Variants in TSPOAP1 observed in about 807,000 individuals in gnomAD.
The protein encoded by TSPOAP1 is TSPO associated protein 1.
In TSPOAP1, 87 loss-of-function variants were observed where a neutral mutation model predicts 197.0. The observed-to-expected ratio is 0.44, with a 90% CI of 0.37 to 0.53. The LOEUF is 0.53. Among genes scored for constraint, TSPOAP1 ranks in the 20% least tolerant of loss-of-function variants. The pLI, the probability that TSPOAP1 is intolerant of heterozygous loss-of-function variation, is 0.00. For missense variants in TSPOAP1, 2,174 were observed against 2,411.3 expected, an observed-to-expected ratio of 0.90 and a Z score of 2.06; for synonymous variants, 913 against 998.9, an observed-to-expected ratio of 0.91 and a Z score of 1.62.
At chr17:58,323,083 AT>A (rs1308351145) in intron 7 of TSPOAP1, 44 bp from the exon 8 acceptor site, 2 of 1,573,190 alleles carry the variant, frequency 1.3e-6, no homozygotes, top group Non-Finnish European at 8.7e-7. Flanking sequence ...CAGCACCCAC[AT>A]TCCCCCTCTC....
rs146001914 is a variant in TSPOAP1, at chr17:58,308,543, G to A, written c.4729C>T (p.Arg1577Trp). 496 of 1,524,824 alleles carry A rather than the reference G, an allele frequency of 3.3e-4. No individual in the cohort carries two copies. Among genetic ancestry groups the A allele is most frequent in the Non-Finnish European group, 4.0e-4 (452 of 1,135,410 alleles). The allele number at this position is 1,524,824 out of a possible 1,614,324, so 94.5% of individuals were successfully genotyped here. ...ATGRAKEPLS[R>W]ATETGEARGQ... is the part of the protein sequence containing the mutation. ...CAGGGCGGGGAGTGAGCACGGACCC[G>A]GGAGAGTGGCTCCTTGGCTCTGCCC... The change falls in exon 22 of 32, where the codon CGG (arginine) becomes TGG (tryptophan). Residue 1577 changes from arginine to tryptophan, a missense_variant and splice_region_variant. Arg to Trp is a moderately radical substitution (Grantham distance 101, BLOSUM62 -3). This residue lies in a region of TSPOAP1 where 1,933 missense variants were observed against 2,139.0 expected (regional missense o/e 0.90). Coordinates refer to ENST00000343736, the MANE Select transcript of TSPOAP1 (RefSeq NM_004758.4).
Position 58,316,425 on chromosome 17 carries a change from CTAT to C in TSPOAP1, c.1985_1987del (p.Tyr662_Ser663delinsCys). ...GGGGCAGTGAGGGTGAGGGACCCAC[CTAT>C]AACGTGCTAGGAAGACCTGGATCCT... On this transcript the variant is annotated inframe_deletion and splice_region_variant, in exon 15 of 32. Transcript: ENST00000343736. The C allele has an allele frequency of 6.2e-7, 1 of 1,611,510 alleles. No individual in the cohort carries two copies. Among genetic ancestry groups the C allele is most frequent in the Non-Finnish European group, 8.5e-7 (1 of 1,178,514 alleles).
chr17:58,306,995 C>T, intron 24 of TSPOAP1, 27 bp from the exon 25 acceptor site: 1 of 1,603,240 alleles, frequency 6.2e-7, no homozygotes, highest in East Asian at 2.2e-5. Flanking sequence ...TGGTCTCAGC[C>T]AGTTCTGCTC....
rs1181146634 is a variant in TSPOAP1 at position 58,301,568 on chromosome 17, C to G, written c.*912G>C. The G allele has an allele frequency of 1.3e-5, 2 of 152,674 alleles. No homozygotes were observed. The highest frequency in any genetic ancestry group is 2.9e-5 in the Non-Finnish European group (2 of 68,050). The allele number at this position is 152,674 out of a possible 1,614,324, so 9.5% of individuals were successfully genotyped here. ...GAGCAAAATAAGGCAAACCCAACTC[C>G]GCTTTCGGCCCCGCTGGCCCCAGGG... On this transcript the variant is annotated 3_prime_UTR_variant, in exon 32 of 32. Coordinates refer to ENST00000343736, the MANE Select transcript of TSPOAP1 (RefSeq NM_004758.4).
In TSPOAP1 at chr17:58,311,503, C is replaced by T. The variant is rs1380660053; in HGVS notation, c.3081+68G>A. 11 of 1,515,410 alleles carry T rather than the reference C, an allele frequency of 7.3e-6. No homozygotes were observed. The Admixed American group carries it at 2.0e-4, about 28-fold the overall frequency. The allele number at this position is 1,515,410 out of a possible 1,614,324, so 93.9% of individuals were successfully genotyped here. Reference sequence around the variant, plus strand: ...GGCATCTCCGTGCCAAGCCAGAGAGCCTAGACCTCTGAGCATAGCAAGAAG... The same window carrying T: ...GGCATCTCCGTGCCAAGCCAGAGAGTCTAGACCTCTGAGCATAGCAAGAAG... On this transcript the variant is annotated intron_variant, in intron 18 of 31. Coordinates refer to ENST00000343736, the MANE Select transcript of TSPOAP1 (RefSeq NM_004758.4).
intron 1 of TSPOAP1, among the ~76,000 whole-genome samples, chr17:58,327,198 A>G (rs969132522): frequency 3.3e-5 from 5 of 150,518 alleles, no homozygotes; most frequent in African/African-American, 9.8e-5. Flanking sequence ...CCTCCCCTCA[A>G]TCTACTTCCT....
chr17:58,320,661 G>A (rs756213174), intron 10 of TSPOAP1, 80 bp from the exon 11 acceptor site: 7 of 1,152,046 alleles, frequency 6.1e-6, no homozygotes, highest in Non-Finnish European at 8.0e-6. Flanking sequence ...GGGAGGAAGG[G>A]TAGAAAGGAC....
intron 4 of TSPOAP1, chr17:58,325,325 C>T: frequency 3.0e-6 from 2 of 660,688 alleles, no homozygotes; most frequent in Admixed American, 5.6e-5. Context: ...CAGCCTCAAG[C>T]CTGGAGCACA....
Position 58,304,476 on chromosome 17 carries a change from T to G in TSPOAP1, c.5545-77A>C. On this transcript the variant is annotated intron_variant, in intron 30 of 31. Coordinates refer to ENST00000343736, the MANE Select transcript of TSPOAP1 (RefSeq NM_004758.4). This position sits in a 1 kb window ranked among gnomAD's most constrained non-coding sequence, Gnocchi z 4.2. Reference sequence around the variant, plus strand: ...TCTCCGCCCGGCCACCAGGTGGCCCTGCGCAGGGGTGGGCCCTACTCTCCA... The same window carrying G: ...TCTCCGCCCGGCCACCAGGTGGCCCGGCGCAGGGGTGGGCCCTACTCTCCA... The G allele has an allele frequency of 5.1e-6, 6 of 1,180,766 alleles. No homozygotes were observed. Among genetic ancestry groups the G allele is most frequent in the East Asian group, 2.3e-5 (1 of 42,908 alleles). 73.1% of individuals were successfully genotyped at this position (1,180,766 alleles called of 1,614,324 possible). A position where few individuals can be genotyped will look rare whatever the true frequency, so the allele number is the denominator to read the frequency against.
chr17:58,316,196 T>C, intron 15 of TSPOAP1, 64 bp from the exon 16 acceptor site: 1 of 1,351,732 alleles, frequency 7.4e-7, no homozygotes. Flanking sequence ...ATGTCCTGTC[T>C]TCTCTCTCCC....
chr17:58,325,067 C>T, intron 4 of TSPOAP1, 65 bp from the exon 5 acceptor site: 1 of 1,370,094 alleles, frequency 7.3e-7, no homozygotes, highest in Non-Finnish European at 9.8e-7. Flanking sequence ...CCATGCCATC[C>T]CCTGCAGAGC....
In TSPOAP1 at chr17:58,305,947, C is replaced by T; in HGVS notation, c.5225-82G>A. ...TGCTGCAGCGCAGGCCAGACACTCGCCCACACACAAGGAGGCAGGCAAGGA... is the reference window on the plus strand; with the variant it reads ...TGCTGCAGCGCAGGCCAGACACTCGTCCACACACAAGGAGGCAGGCAAGGA... On this transcript the variant is annotated intron_variant, in intron 26 of 31. Coordinates refer to ENST00000343736, the MANE Select transcript of TSPOAP1 (RefSeq NM_004758.4). 2.6e-6 allele frequency: 4 copies of T among 1,519,534 alleles called. No individual in the cohort carries two copies. In the African/African-American group the frequency reaches 4.1e-5, roughly 16 times the overall value. The allele number at this position is 1,519,534 out of a possible 1,614,324, so 94.1% of individuals were successfully genotyped here.
intron 31 of TSPOAP1, chr17:58,303,217 G>C (rs1970771058): frequency 6.6e-6 from 1 of 152,620 alleles, no homozygotes; most frequent in Non-Finnish European, 1.5e-5. Flanking sequence ...GAAGCCACCA[G>C]AAAGCCCCCT....
At position 58,310,618 on chromosome 17, in the gene TSPOAP1, G is replaced by A. The variant is rs750286693; in HGVS notation, c.3593C>T (p.Ala1198Val). ...CTGGGTGGAGCTGGAGGCCGGACAG[G>A]CCTCTCCTGCAGTCCACTCGGCCTC... ...KQEAEWTAGE[A>V]CPASSSTQGA... Residue 1198 changes from alanine (A) to valine (V), a missense_variant, in exon 20 of 32, where the codon GCC (alanine) becomes GTC (valine). Coordinates refer to ENST00000343736, the MANE Select transcript of TSPOAP1 (RefSeq NM_004758.4). 1 of 1,613,176 alleles carries A rather than the reference G, an allele frequency of 6.2e-7. No homozygotes were observed. The highest frequency in any genetic ancestry group is 1.1e-5 in the South Asian group (1 of 91,080).
At chr17:58,316,588 AGC>A (rs1971243401) in intron 14 of TSPOAP1, 48 bp from the exon 15 acceptor site, 1 of 1,484,544 alleles carries the variant, frequency 6.7e-7, no homozygotes, top group Admixed American at 2.0e-5. Flanking sequence ...CCTGGGGCCA[AGC>A]GCCAAGCAGG....
rs768074637 is a variant in TSPOAP1, at chr17:58,325,740, G to C, written c.571-27C>G. The C allele has an allele frequency of 3.8e-6, 6 of 1,575,716 alleles. No homozygotes were observed. The East Asian group carries it at 1.3e-4, about 35-fold the overall frequency. On this transcript the variant is annotated intron_variant, in intron 3 of 31. Transcript: ENST00000343736. ...TAGCCAGAGGAGGGGTAAGGCCAAT[G>C]GTCACCTGAGGGCTGGGGCACTTCT...
chr17:58,320,152 G>T (rs535391169), intron 11 of TSPOAP1, 23 bp from the exon 12 acceptor site: 1 of 1,614,124 alleles, frequency 6.2e-7, no homozygotes, highest in African/African-American at 1.3e-5. Flanking sequence ...AGGAAGCAGA[G>T]AACAGGTTAG....
intron 17 of TSPOAP1, 54 bp from the exon 18 acceptor site, chr17:58,311,776 T>C (rs1177240330): frequency 1.3e-6 from 2 of 1,512,578 alleles, no homozygotes; most frequent in African/African-American, 2.8e-5. Context: ...CCATCAGAGA[T>C]ACCTGCCCAA....
chr17:58,309,623 C>G lies in TSPOAP1; in HGVS notation c.3892-243G>C, dbSNP rs1185040450. ...AACACACTCTAGGAACCATCACCAG[C>G]CCCTGTGGGACAGGAGCATTGAGGA... is the stretch of plus-strand genomic sequence containing the variant. On this transcript the variant is annotated intron_variant, in intron 21 of 31. Coordinates refer to ENST00000343736, the MANE Select transcript of TSPOAP1 (RefSeq NM_004758.4). This position sits in a 1 kb window ranked among gnomAD's most constrained non-coding sequence, Gnocchi z 5.0. Among the ~76,000 whole-genome samples the G allele has an allele frequency of 6.6e-6, 1 of 152,192 alleles. No homozygotes were observed. Among genetic ancestry groups the G allele is most frequent in the Non-Finnish European group, 1.5e-5 (1 of 68,028 alleles).
Sources: gnomAD v4.1 joint callset for allele counts (sites outside exome capture counted in the v4.1 genomes callset) on GRCh38, gnomAD v4.1.1 for gene constraint, gnomAD v4.1.1 regional missense constraint, Gnocchi (gnomAD v3.1) non-coding constraint, MANE v1.5 for transcripts, NCBI Gene and HGNC (gene_info 2026-07-23, HGNC 2026-07-21) for gene names.